TMEM87A: variants seen among roughly 807,000 people sequenced by gnomAD.
The protein encoded by TMEM87A is transmembrane protein 87A, also known as Golgi-pH regulating cation channel.
Under a neutral mutation model 90.0 loss-of-function variants are expected in TMEM87A, and 50 were observed. The observed-to-expected ratio is 0.56, with a 90% CI of 0.44 to 0.70. The LOEUF is 0.70. Among genes scored for constraint, TMEM87A ranks in the 30% least tolerant of loss-of-function variants. The pLI, the probability that TMEM87A is intolerant of heterozygous loss-of-function variation, is 0.00. For missense variants in TMEM87A, 577 were observed against 660.5 expected, an observed-to-expected ratio of 0.87 and a Z score of 1.39; for synonymous variants, 226 against 226.7, an observed-to-expected ratio of 1.00 and a Z score of 0.03.
At chr15:42,273,481 G>T, upstream of TMEM87A, 2 of 1,572,610 alleles carry the variant, frequency 1.3e-6, no homozygotes, top group Admixed American at 3.5e-5. Context: ...CTCTAAGGGC[G>T]GGATTATCCG....
Position 42,227,569 on chromosome 15 carries a change from G to GGGAA in TMEM87A, c.1299+138_1299+141dup, listed in dbSNP as rs2050617537. The GGGAA allele has an allele frequency of 9.2e-6, 6 of 652,096 alleles. No individual in the cohort carries two copies. In the South Asian group the frequency reaches 1.1e-4, roughly 12 times the overall value. The allele number at this position is 652,096 out of a possible 1,614,324, so 40.4% of individuals were successfully genotyped here. A position where few individuals can be genotyped will look rare whatever the true frequency, so the allele number is the denominator to read the frequency against. ...TGATAGTACAGAATACTTAGGAGGA[G>GGGAA]GGAAGTATCACAACCCTCAGAGTAG... is the stretch of plus-strand genomic sequence containing the variant. On this transcript the variant is annotated intron_variant, in intron 14 of 19. Transcript: ENST00000389834.
At chr15:42,247,164 T>C (rs1224377450) in intron 6 of TMEM87A, among the ~76,000 whole-genome samples, 2 of 152,256 alleles carry the variant, frequency 1.3e-5, no homozygotes, top group African/African-American at 4.8e-5. Context: ...TAAATTTGTT[T>C]AAGTTCTTCG....
At chr15:42,258,437 T>G in intron 6 of TMEM87A, 1 of 668,418 alleles carries the variant, frequency 1.5e-6, no homozygotes, top group Non-Finnish European at 1.9e-6. Context: ...TCTTTTTTCT[T>G]TTTTTTTTGA....
chr15:42,261,184 G>T lies in TMEM87A; in HGVS notation c.459+12C>A. ...TACTGCACTCTCAGAAATATATAAT[G>T]AAAACAATTACCTCCTGTTTTTCTC... is the stretch of plus-strand genomic sequence containing the variant. On this transcript the variant is annotated intron_variant, in intron 5 of 19. Coordinates refer to ENST00000389834, the MANE Select transcript of TMEM87A (RefSeq NM_015497.5). 6.2e-7 allele frequency: 1 copy of T among 1,611,930 alleles called. No individual in the cohort carries two copies. Among genetic ancestry groups the T allele is most frequent in the South Asian group, 1.1e-5 (1 of 90,686 alleles).
At chr15:42,231,355 A>C (rs956290885) in intron 11 of TMEM87A, 95 bp from the exon 12 acceptor site, 2 of 1,015,428 alleles carry the variant, frequency 2.0e-6, no homozygotes, top group Non-Finnish European at 2.8e-6. Flanking sequence ...TAATCACTGG[A>C]AAGTTTTTGC....
rs1463101375 is a variant in TMEM87A at position 42,231,208 on chromosome 15, G to C, written c.1115C>G (p.Thr372Ser). The change falls in exon 12 of 20, where the codon ACT becomes AGT. Residue 372 changes from threonine to serine, a missense_variant. Coordinates refer to ENST00000389834, the MANE Select transcript of TMEM87A (RefSeq NM_015497.5). ...GAAGGATATCCACCAGCACAAGGCA[G>C]TGTCTAGGAAAGCCAAGGGGATAAA... is the stretch of plus-strand genomic sequence containing the variant. ...LAFIPLAFLD[T>S]ALCWWIFISL... 2 of 1,600,268 alleles carry C rather than the reference G, an allele frequency of 1.2e-6. No individual in the cohort carries two copies. Among genetic ancestry groups the C allele is most frequent in the Non-Finnish European group, 1.7e-6 (2 of 1,174,536 alleles).
At chr15:42,224,722 C>T (rs1223133309) in intron 15 of TMEM87A, among the ~76,000 whole-genome samples, 1 of 152,148 alleles carries the variant, frequency 6.6e-6, no homozygotes, top group Non-Finnish European at 1.5e-5. Flanking sequence ...CATATTTATG[C>T]TATCCATGAA....
chr15:42,237,295 A>T, intron 9 of TMEM87A, 137 bp downstream of exon 9: 1 of 794,166 alleles, frequency 1.3e-6, no homozygotes, highest in Non-Finnish European at 1.9e-6. Flanking sequence ...TCAGAGTCAT[A>T]GTGATTCTGC....
chr15:42,254,697 G>C (rs4923936), intron 6 of TMEM87A, among the ~76,000 whole-genome samples: 146,507 of 152,284 alleles, frequency 0.96, 70,675 homozygotes, highest in Non-Finnish European at 1. Context: ...GCCAGGAGTT[G>C]AAGGGGAAGG....
At chr15:42,271,997 A>T (rs1410466638) in intron 2 of TMEM87A, 66 bp downstream of exon 2, 31 of 1,273,136 alleles carry the variant, frequency 2.4e-5, no homozygotes, top group Non-Finnish European at 2.9e-5. Context: ...TAAAATAGGT[A>T]ATTTAAAACA....
intron 2 of TMEM87A, 90 bp from the exon 3 acceptor site, chr15:42,268,122 A>C: frequency 1.0e-6 from 1 of 972,748 alleles, no homozygotes; most frequent in Non-Finnish European, 1.6e-6. Flanking sequence ...TTCATTTCGT[A>C]CCCTAAACTG....
chr15:42,225,969 T>A (rs1023641813), intron 15 of TMEM87A, among the ~76,000 whole-genome samples: 2 of 152,172 alleles, frequency 1.3e-5, no homozygotes, highest in African/African-American at 4.8e-5. Context: ...AGTCTATTGG[T>A]GCCATTTTCC....
At chr15:42,241,172 A>C (rs1332411863) in intron 7 of TMEM87A, among the ~76,000 whole-genome samples, 1 of 152,242 alleles carries the variant, frequency 6.6e-6, no homozygotes, top group Non-Finnish European at 1.5e-5. Flanking sequence ...ACATTTACTA[A>C]GCACTTATTA....
intron 4 of TMEM87A, among the ~76,000 whole-genome samples, chr15:42,261,498 G>T (rs4369629): frequency 6.6e-6 from 1 of 152,098 alleles, no homozygotes; most frequent in Non-Finnish European, 1.5e-5. Context: ...AAACATTTAA[G>T]AATGACAAAG....
chr15:42,240,768 T>C (rs1050809913), intron 7 of TMEM87A, among the ~76,000 whole-genome samples: 3 of 152,170 alleles, frequency 2.0e-5, no homozygotes, highest in African/African-American at 7.2e-5. Context: ...GCTTCTGATA[T>C]ACCATTATTT....
chr15:42,272,219 T>TA, intron 1 of TMEM87A, 96 bp from the exon 2 acceptor site: 2 of 842,830 alleles, frequency 2.4e-6, no homozygotes, highest in South Asian at 3.4e-5. Flanking sequence ...CAACTTAACT[T>TA]AAATCTTTAT....
At chr15:42,239,233 G>A (rs2050829329) in intron 8 of TMEM87A, among the ~76,000 whole-genome samples, 1 of 152,080 alleles carries the variant, frequency 6.6e-6, no homozygotes, top group Admixed American at 6.5e-5. Flanking sequence ...TAGAGATGGG[G>A]TTTCACCATG....
chr15:42,231,177 CA>C lies in TMEM87A; in HGVS notation c.1131+14del, dbSNP rs1329883835. 13 of 1,592,134 alleles carry C rather than the reference CA, an allele frequency of 8.2e-6. No homozygotes were observed. Among genetic ancestry groups the C allele is most frequent in the African/African-American group, 1.4e-5 (1 of 73,402 alleles). On this transcript the variant is annotated intron_variant, in intron 12 of 19. Coordinates refer to ENST00000389834, the MANE Select transcript of TMEM87A (RefSeq NM_015497.5). ...GAAAATGGACCATCATCAAACAAGC[CA>C]ATGAGAAGGATATCCACCAGCACAA...
chr15:42,245,278 T>C (rs1438514897), intron 6 of TMEM87A, among the ~76,000 whole-genome samples: 1 of 152,214 alleles, frequency 6.6e-6, no homozygotes, highest in Non-Finnish European at 1.5e-5. Context: ...TGCTTAGCCA[T>C]AATTACAGAA....
Sources: allele counts gnomAD v4.1 joint callset (sites outside exome capture counted in the v4.1 genomes callset), GRCh38; gene constraint gnomAD v4.1.1; transcripts MANE v1.5; gene names NCBI Gene and HGNC (gene_info 2026-07-23, HGNC 2026-07-21).